The following KCNIP4 variants were observed in gnomAD, a reference collection of about 807,000 sequenced individuals.
The protein encoded by KCNIP4 is potassium voltage-gated channel interacting protein 4.
KCNIP4 carries 12 observed loss-of-function variants against 34.0 expected under a neutral mutation model. The ratio of observed to expected loss-of-function variants is 0.35; its 90% CI spans 0.23 to 0.57. KCNIP4 has a LOEUF of 0.57. Among genes scored for constraint, KCNIP4 ranks in the 20% least tolerant of loss-of-function variants. KCNIP4 has a pLI of 0.83. For missense variants in KCNIP4, 238 were observed against 311.7 expected (o/e 0.76, Z 1.78); for synonymous variants, 124 against 102.2 (o/e 1.21, Z -1.29).
chr4:21,430,629 G>A (rs1261655334), intron 1 of KCNIP4, among the ~76,000 whole-genome samples: 2 of 152,138 alleles, frequency 1.3e-5, no homozygotes, highest in Non-Finnish European at 1.5e-5. Context: ...TTTAGGGTAT[G>A]TCAACTGTTC....
intron 1 of KCNIP4, among the ~76,000 whole-genome samples, chr4:20,950,064 A>G (rs1160876201): frequency 6.6e-6 from 1 of 151,252 alleles, no homozygotes; most frequent in Non-Finnish European, 1.5e-5. Context: ...ATCATGAAAA[A>G]CTATACAATT....
chr4:21,818,317 AG>A (rs1441846415), intron 1 of KCNIP4, among the ~76,000 whole-genome samples: 3 of 152,204 alleles, frequency 2.0e-5, no homozygotes, highest in African/African-American at 4.8e-5. Context: ...TGAAATCCCC[AG>A]GGGGTAACCC....
chr4:21,343,908 T>C (rs1191655233), intron 1 of KCNIP4, among the ~76,000 whole-genome samples: 1 of 151,930 alleles, frequency 6.6e-6, no homozygotes, highest in Non-Finnish European at 1.5e-5. Context: ...ACAACCACAC[T>C]CCGAGGTAGA....
At chr4:21,585,924 C>T (rs1371747108) in intron 1 of KCNIP4, among the ~76,000 whole-genome samples, 2 of 151,966 alleles carry the variant, frequency 1.3e-5, no homozygotes, top group Admixed American at 1.3e-4. Context: ...AAAGAATACT[C>T]ATTGATAAAA....
intron 1 of KCNIP4, among the ~76,000 whole-genome samples, chr4:21,032,350 T>C (rs1269745310): frequency 6.6e-6 from 1 of 152,118 alleles, no homozygotes; most frequent in Non-Finnish European, 1.5e-5. Flanking sequence ...AAATATTGCA[T>C]TTGGAATGTA....
At chr4:21,857,522 G>C (rs1309555788) in intron 1 of KCNIP4, among the ~76,000 whole-genome samples, 1 of 152,058 alleles carries the variant, frequency 6.6e-6, no homozygotes, top group African/African-American at 2.4e-5. Flanking sequence ...GCTGAGAGGT[G>C]AGAAGACAAT....
intron 1 of KCNIP4, among the ~76,000 whole-genome samples, chr4:21,086,886 G>A (rs12506214): frequency 0.15 from 22,492 of 148,454 alleles, 2,275 homozygotes; most frequent in African/African-American, 0.29. Context: ...CCCTCCCTCC[G>A]TCCCTCCCTT....
chr4:20,946,877 G>T (rs147924889), intron 1 of KCNIP4, among the ~76,000 whole-genome samples: 74 of 152,236 alleles, frequency 4.9e-4, no homozygotes, highest in African/African-American at 1.7e-3. Flanking sequence ...ATTGCAGATT[G>T]TTACAGTGAA....
chr4:21,187,798 T>A (rs752707123), intron 1 of KCNIP4, among the ~76,000 whole-genome samples: 1 of 152,144 alleles, frequency 6.6e-6, no homozygotes, highest in African/African-American at 2.4e-5. Flanking sequence ...CTGCTCTAAT[T>A]CACCTGAGAC....
intron 1 of KCNIP4, among the ~76,000 whole-genome samples, chr4:21,537,394 C>A (rs1228309768): frequency 6.6e-6 from 1 of 152,086 alleles, no homozygotes; most frequent in Non-Finnish European, 1.5e-5. Flanking sequence ...ACCTTTTATC[C>A]ATTAAAGTTC....
intron 1 of KCNIP4, among the ~76,000 whole-genome samples, chr4:21,479,799 C>G (rs1731277300): frequency 1.3e-5 from 2 of 151,602 alleles, no homozygotes; most frequent in South Asian, 4.2e-4. Flanking sequence ...AGGATAGATA[C>G]AAACTAGTAA....
intron 1 of KCNIP4, among the ~76,000 whole-genome samples, chr4:21,289,887 C>T (rs542381492): frequency 6.6e-6 from 1 of 152,274 alleles, no homozygotes; most frequent in East Asian, 1.9e-4. Flanking sequence ...CTCACCCCAC[C>T]CTTTCCCACA....
At chr4:21,082,982 A>G (rs1746132992) in intron 1 of KCNIP4, among the ~76,000 whole-genome samples, 1 of 151,780 alleles carries the variant, frequency 6.6e-6, no homozygotes, top group South Asian at 2.1e-4. Context: ...TTTAGGTCTT[A>G]TCATTGCCAT....
At chr4:21,345,261 G>C (rs773666849) in intron 1 of KCNIP4, among the ~76,000 whole-genome samples, 1 of 152,026 alleles carries the variant, frequency 6.6e-6, no homozygotes, top group East Asian at 1.9e-4. Flanking sequence ...AACTGGGGTC[G>C]GTCCACAACC....
At chr4:21,240,372 T>C (rs1404803889) in intron 1 of KCNIP4, among the ~76,000 whole-genome samples, 1 of 151,736 alleles carries the variant, frequency 6.6e-6, no homozygotes, top group Non-Finnish European at 1.5e-5. Context: ...ACTTAAAGTA[T>C]AATAATAATA....
intron 1 of KCNIP4, among the ~76,000 whole-genome samples, chr4:21,943,457 T>C (rs773375278): frequency 3.3e-5 from 5 of 152,074 alleles, no homozygotes; most frequent in Non-Finnish European, 5.9e-5. Context: ...GGAGGATTGC[T>C]TGAGGCCAGG....
In KCNIP4 at chr4:20,915,407, T is replaced by C. The variant is rs553770397; in HGVS notation, c.62-32698A>G. ...CAAAATATTTTCCTTGGGTGACATATACTCAGACTCAGCAAAAGTAACTAA... is the reference window on the plus strand; with the variant it reads ...CAAAATATTTTCCTTGGGTGACATACACTCAGACTCAGCAAAAGTAACTAA... On this transcript the variant is annotated intron_variant, in intron 1 of 8. Coordinates refer to ENST00000382152, the MANE Select transcript of KCNIP4 (RefSeq NM_025221.6). 7.9e-5 allele frequency among the ~76,000 whole-genome samples: 12 copies of C among 152,190 alleles called. No individual in the cohort carries two copies. In the South Asian group the frequency reaches 2.1e-3, roughly 26 times the overall value.
chr4:21,849,646 T>A (rs1325621249), intron 1 of KCNIP4: 1 of 152,044 alleles, frequency 6.6e-6, no homozygotes, highest in Non-Finnish European at 1.5e-5. Flanking sequence ...ATGATGGCAA[T>A]AATTACCTGA....
chr4:21,261,199 A>G (rs1761447330), intron 1 of KCNIP4, among the ~76,000 whole-genome samples: 1 of 152,216 alleles, frequency 6.6e-6, no homozygotes, highest in Non-Finnish European at 1.5e-5. Flanking sequence ...AAAACCTTCA[A>G]CAGAAACACT....
Sources: gnomAD v4.1 joint callset for allele counts (sites outside exome capture counted in the v4.1 genomes callset) on GRCh38, gnomAD v4.1.1 for gene constraint, MANE v1.5 for transcripts, NCBI Gene and HGNC (gene_info 2026-07-23, HGNC 2026-07-21) for gene names.